The following DOCK10 variants were observed in gnomAD, a reference collection of about 807,000 sequenced individuals.
DOCK10 encodes the protein dedicator of cytokinesis 10, also known as dedicator of cytokinesis protein 10.
A neutral mutation model predicts 280.1 loss-of-function variants in DOCK10; 145 were observed. The ratio of observed to expected loss-of-function variants is 0.52; its 90% CI spans 0.45 to 0.59. DOCK10 has a LOEUF of 0.59. Among genes scored for constraint, DOCK10 ranks in the 20% least tolerant of loss-of-function variants. The pLI is 0.00. For synonymous variants in DOCK10, 915 were observed against 942.2 expected (o/e 0.97, Z 0.53); for missense variants, 2,368 against 2,651.7 (o/e 0.89, Z 2.35).
At chr2:224,858,446 C>T (rs1037774489) in intron 14 of DOCK10, among the ~76,000 whole-genome samples, 1 of 152,068 alleles carries the variant, frequency 6.6e-6, no homozygotes, top group African/African-American at 2.4e-5. Flanking sequence ...ATCACGAGGT[C>T]AGGAGACTCA....
At chr2:224,841,757 A>G (rs2125466382) in intron 23 of DOCK10, 47 bp downstream of exon 23, 2 of 1,345,472 alleles carry the variant, frequency 1.5e-6, no homozygotes, top group African/African-American at 1.4e-5. Flanking sequence ...TCTCTTTTGC[A>G]CATTTTTACC....
At position 224,877,703 on chromosome 2, in the gene DOCK10, G is replaced by C. The variant is rs372221852; in HGVS notation, c.748-1482C>G. ...TTGAAATCTGTAGAAAGGAGAAATG[G>C]GCTATTGAAAGTTCAGGGAAGGACA... On this transcript the variant is annotated intron_variant, in intron 7 of 55. Transcript: ENST00000258390. 6.6e-5 allele frequency among the ~76,000 whole-genome samples: 10 copies of C among 152,250 alleles called. No homozygotes were observed. The East Asian group carries it at 1.7e-3, about 26-fold the overall frequency.
Position 224,805,415 on chromosome 2 carries a change from C to T in DOCK10, c.3929G>A (p.Cys1310Tyr), listed in dbSNP as rs756064796. ...TTGAGAGGGAAGTCATACCTTTTCACAGTTGTCCGTCTTCTCACTGCTCTT... is the reference window on the plus strand; with the variant it reads ...TTGAGAGGGAAGTCATACCTTTTCATAGTTGTCCGTCTTCTCACTGCTCTT... ...NEKSSEKTDN[C>Y]EKIPRPLSLI... Residue 1310 changes from cysteine to tyrosine, a missense_variant, in exon 35 of 56, where the codon TGT becomes TAT. By Grantham distance (194) the Cys-to-Tyr change is radical (BLOSUM62 -2). Transcript: ENST00000258390. This position sits in a 1 kb window ranked among gnomAD's most constrained non-coding sequence, Gnocchi z 4.3. 1 of 1,612,688 alleles carries T rather than the reference C, an allele frequency of 6.2e-7. No homozygotes were observed. The highest frequency in any genetic ancestry group is 8.5e-7 in the Non-Finnish European group (1 of 1,179,180).
intron 14 of DOCK10, among the ~76,000 whole-genome samples, chr2:224,857,319 TC>T (rs1302724515): frequency 6.6e-6 from 1 of 152,208 alleles, no homozygotes; most frequent in Non-Finnish European, 1.5e-5. Context: ...AAATTATGTT[TC>T]CAAGACACCT....
intron 25 of DOCK10, among the ~76,000 whole-genome samples, chr2:224,834,659 G>A (rs1433384255): frequency 6.6e-6 from 1 of 152,120 alleles, no homozygotes; most frequent in African/African-American, 2.4e-5. Flanking sequence ...AGCCAAGTGG[G>A]GAAGCCAGTG....
rs756328736 is a variant in DOCK10, at chr2:224,834,234, C to T, written c.2880G>A (p.Glu960=). 2.5e-6 allele frequency: 4 copies of T among 1,612,232 alleles called. No individual in the cohort carries two copies. Among genetic ancestry groups the T allele is most frequent in the East Asian group, 2.2e-5 (1 of 44,862 alleles). ...TAGCCAGTTCCTCATGTACAGTCCT[C>T]TCCTTGCATGCCCTGGTCTTGAACA... ...KFVFKTRACK[E]RTVHEELAKN... The change falls in exon 26 of 56, where the codon GAG becomes GAA. Residue 960 remains glutamate, a synonymous_variant. Coordinates refer to ENST00000258390, the MANE Select transcript of DOCK10 (RefSeq NM_014689.3).
chr2:224,921,112 A>AAAAAAAAAATATATATATATAT, intron 2 of DOCK10, among the ~76,000 whole-genome samples: 1 of 54,416 alleles, frequency 1.8e-5, no homozygotes, highest in African/African-American at 1.6e-4. Context: ...AAAAAAAAAA[A>AAAAAAAAAATATATATATATAT]ATATATATAT....
intron 38 of DOCK10, among the ~76,000 whole-genome samples, 183 bp from the exon 39 acceptor site, chr2:224,804,396 C>T (rs564799572): frequency 4.3e-4 from 64 of 150,570 alleles, no homozygotes; most frequent in African/African-American, 1.4e-3. Context: ...GTGCTTCAAA[C>T]GTTGTTGTCT....
intron 1 of DOCK10, among the ~76,000 whole-genome samples, chr2:224,977,619 G>A (rs1406117813): frequency 6.6e-6 from 1 of 152,084 alleles, no homozygotes; most frequent in Non-Finnish European, 1.5e-5. Flanking sequence ...CCACCAAAAA[G>A]TTTTTTTGAG....
intron 22 of DOCK10, among the ~76,000 whole-genome samples, chr2:224,843,141 T>C (rs1696086764): frequency 6.6e-6 from 1 of 151,942 alleles, no homozygotes. Flanking sequence ...TGTGATATGG[T>C]TCATAATAGC....
chr2:224,804,738 C>A lies in DOCK10; in HGVS notation c.4166+56G>T. ...GTAACTCTAACCTGACACATTAATA[C>A]ATGTCATATGCTTTTTAAAAGACCA... On this transcript the variant is annotated intron_variant, in intron 38 of 55. Transcript: ENST00000258390. The A allele has an allele frequency of 2.7e-6, 3 of 1,128,442 alleles. No homozygotes were observed. The South Asian group carries it at 4.7e-5, about 18-fold the overall frequency. 69.9% of individuals were successfully genotyped at this position (1,128,442 alleles called of 1,614,324 possible).
chr2:224,957,288 C>CCCCA (rs1553622551), intron 1 of DOCK10, among the ~76,000 whole-genome samples: 1 of 145,816 alleles, frequency 6.9e-6, no homozygotes, highest in African/African-American at 2.6e-5. Flanking sequence ...ACTTTCCGCC[C>CCCCA]CCCCCCGGCT....
intron 28 of DOCK10, among the ~76,000 whole-genome samples, chr2:224,823,007 T>C (rs76436353): frequency 7.4e-4 from 112 of 151,942 alleles, no homozygotes; most frequent in Non-Finnish European, 4.6e-4. Context: ...TTTTTTTTTT[T>C]TGAGACAGTC....
intron 3 of DOCK10, among the ~76,000 whole-genome samples, chr2:224,909,807 T>TTTTTTTTTTTTGTTTTTTGTTTTTTG (rs1553611074): frequency 6.6e-6 from 1 of 151,962 alleles, no homozygotes; most frequent in African/African-American, 2.4e-5. Flanking sequence ...TGCAGTGTTT[T>TTTTTTTTTTTTGTTTTTTGTTTTTTG]AATGGATGTG....
chr2:225,008,286 A>C (rs1689333472), intron 1 of DOCK10, among the ~76,000 whole-genome samples: 1 of 152,196 alleles, frequency 6.6e-6, no homozygotes, highest in Non-Finnish European at 1.5e-5. Flanking sequence ...GGCATGGGTC[A>C]CTGTGCCCTG....
chr2:224,917,189 T>TCCGC (rs778324077), intron 2 of DOCK10, among the ~76,000 whole-genome samples: 99 of 133,316 alleles, frequency 7.4e-4, no homozygotes, highest in Non-Finnish European at 1.1e-3. Flanking sequence ...CACTGCAACC[T>TCCGC]CCGCCTCCCA....
chr2:224,873,915 T>C (rs1447231802), intron 11 of DOCK10, 81 bp downstream of exon 11: 1 of 1,419,830 alleles, frequency 7.0e-7, no homozygotes, highest in African/African-American at 1.4e-5. Context: ...TGCCTGGAAT[T>C]AGCAGGAATA....
rs570973564 is a variant in DOCK10, at chr2:224,997,511, C to T, written c.123+44741G>A. ...CCTCTCAAAGTGCTGGGATTACAGG[C>T]GAGAGCCACCGCGCCCGGCTGTCCT... On this transcript the variant is annotated intron_variant, in intron 1 of 55. Coordinates refer to ENST00000258390, the MANE Select transcript of DOCK10 (RefSeq NM_014689.3). Among the ~76,000 whole-genome samples, 393 of 152,136 alleles carry T rather than the reference C, an allele frequency of 2.6e-3. 1 individual carries two copies. The highest frequency in any genetic ancestry group is 3.0e-3 in the Non-Finnish European group (207 of 68,008).
chr2:224,831,723 G>A (rs1695250320), intron 26 of DOCK10, among the ~76,000 whole-genome samples: 1 of 152,194 alleles, frequency 6.6e-6, no homozygotes, highest in African/African-American at 2.4e-5. Flanking sequence ...CTGCACATCT[G>A]AGTGCTGTCC....
Sources: allele counts gnomAD v4.1 joint callset (sites outside exome capture counted in the v4.1 genomes callset), GRCh38; gene constraint gnomAD v4.1.1; non-coding constraint Gnocchi (gnomAD v3.1); transcripts MANE v1.5; gene names NCBI Gene and HGNC (gene_info 2026-07-23, HGNC 2026-07-21).